The following PDPR variants were observed in gnomAD, a reference collection of about 807,000 sequenced individuals.
PDPR encodes pyruvate dehydrogenase phosphatase regulatory subunit, also known as pyruvate dehydrogenase phosphatase regulatory subunit, mitochondrial.
PDPR carries 50 observed loss-of-function variants against 102.2 expected under a neutral mutation model. That is an observed-to-expected ratio of 0.49 (90% confidence interval 0.39 to 0.62). The LOEUF (loss-of-function observed/expected upper bound fraction) is 0.62, where lower values mean the gene tolerates loss of function less well. Ranked by LOEUF, PDPR falls within the 20% of genes least tolerant of loss-of-function variation. The pLI is 0.00. For synonymous variants in PDPR, 259 were observed against 406.0 expected, an observed-to-expected ratio of 0.64 and a Z score of 4.35; for missense variants, 625 against 1,098.2, an observed-to-expected ratio of 0.57 and a Z score of 6.09.
chr16:70,123,745 A>C (rs1352541738), intron 3 of PDPR, among the ~76,000 whole-genome samples: 1 of 151,990 alleles, frequency 6.6e-6, no homozygotes, highest in Non-Finnish European at 1.5e-5. Flanking sequence ...GACTATTTAA[A>C]CCTCACACTT....
chr16:70,118,816 A>G (rs1391929741), intron 2 of PDPR, among the ~76,000 whole-genome samples: 5 of 152,180 alleles, frequency 3.3e-5, no homozygotes, highest in Admixed American at 3.3e-4. Flanking sequence ...TGGCAACCAC[A>G]AGGTGGCCAA....
Position 70,136,329 on chromosome 16 carries a change from A to T in PDPR, c.1133A>T (p.Tyr378Phe). ...IMGESPAVQG[Y>F]FVLAGMNSAG... ...GGCGAGTCTCCTGCAGTGCAGGGCT[A>T]CTTTGTCCTGGCAGGAATGAACTCT... The change falls in exon 10 of 19, where the codon TAC (tyrosine) becomes TTC (phenylalanine). Residue 378 changes from tyrosine to phenylalanine, a missense_variant. By Grantham distance (22) the Tyr-to-Phe change is conservative. Around this residue, in one of 11 missense-constraint regions of PDPR, gnomAD observed 50 missense variants for 79.9 expected, o/e 0.63. Coordinates refer to ENST00000288050, the MANE Select transcript of PDPR (RefSeq NM_017990.5). The T allele has an allele frequency of 6.2e-7, 1 of 1,613,504 alleles. No homozygotes were observed.
chr16:70,144,640 T>C, intron 15 of PDPR, 107 bp downstream of exon 15: 1 of 553,782 alleles, frequency 1.8e-6, no homozygotes, highest in Non-Finnish European at 3.3e-6. Context: ...AGAGTTAGCA[T>C]AAAAGAGGCT....
At chr16:70,150,144 C>T (rs1287713781) in intron 17 of PDPR, among the ~76,000 whole-genome samples, 3 of 148,456 alleles carry the variant, frequency 2.0e-5, no homozygotes, top group Non-Finnish European at 3.0e-5. Flanking sequence ...ACACTTGTCC[C>T]CCAGGCTGGA....
intron 3 of PDPR, among the ~76,000 whole-genome samples, chr16:70,122,914 T>G (rs1406648568): frequency 6.6e-6 from 1 of 152,162 alleles, no homozygotes; most frequent in Non-Finnish European, 1.5e-5. Context: ...GATAGTTTTT[T>G]TTTTGAGACA....
chr16:70,120,931 CTTTTT>C (rs71385643), intron 3 of PDPR, among the ~76,000 whole-genome samples: 2,066 of 103,056 alleles, frequency 0.02, 10 homozygotes, highest in African/African-American at 0.067. Context: ...TTTCGTTTTC[CTTTTT>C]TTTTTTTTTT....
chr16:70,115,413 C>A (rs938168200), intron 2 of PDPR, among the ~76,000 whole-genome samples: 1 of 152,208 alleles, frequency 6.6e-6, no homozygotes, highest in Non-Finnish European at 1.5e-5. Context: ...TGAGCCACTG[C>A]GCTCGGCCAA....
At chr16:70,128,081 G>A (rs1964155929) in intron 4 of PDPR, among the ~76,000 whole-genome samples, 1 of 152,254 alleles carries the variant, frequency 6.6e-6, no homozygotes, top group Non-Finnish European at 1.5e-5. Context: ...GAAGAAGAAG[G>A]GAGAATCCGA....
At chr16:70,150,006 G>T (rs1311662547) in intron 17 of PDPR, among the ~76,000 whole-genome samples, 1 of 152,046 alleles carries the variant, frequency 6.6e-6, no homozygotes, top group Non-Finnish European at 1.5e-5. Flanking sequence ...TAACCAGAAT[G>T]GTCTCGATCT....
chr16:70,148,105 C>T (rs1328601196), intron 16 of PDPR, among the ~76,000 whole-genome samples: 1 of 152,242 alleles, frequency 6.6e-6, no homozygotes, highest in Non-Finnish European at 1.5e-5. Context: ...TCTGCTGATT[C>T]CCCCAGAGAA....
chr16:70,134,283 T>G (rs1319250370), intron 9 of PDPR, among the ~76,000 whole-genome samples: 3 of 152,090 alleles, frequency 2.0e-5, no homozygotes, highest in African/African-American at 2.4e-5. Context: ...TGGAGTGCAG[T>G]GGTGCGATCT....
At chr16:70,123,665 T>A (rs4247106) in intron 3 of PDPR, among the ~76,000 whole-genome samples, 4 of 151,914 alleles carry the variant, frequency 2.6e-5, no homozygotes, top group Non-Finnish European at 4.4e-5. Context: ...TGGGAGACCC[T>A]AGGGAGGTTC....
intron 2 of PDPR, among the ~76,000 whole-genome samples, chr16:70,119,535 C>T (rs1168366491): frequency 1.3e-5 from 2 of 149,104 alleles, no homozygotes; most frequent in African/African-American, 2.5e-5. Context: ...CCACACTCCC[C>T]GTGTCGTGTA....
At chr16:70,150,036 G>T (rs1488969234) in intron 17 of PDPR, among the ~76,000 whole-genome samples, 1 of 151,586 alleles carries the variant, frequency 6.6e-6, no homozygotes, top group Non-Finnish European at 1.5e-5. Flanking sequence ...TGATCTGCCA[G>T]CCTTGGCCTC....
chr16:70,121,821 G>A (rs1270834139), intron 3 of PDPR, among the ~76,000 whole-genome samples: 1 of 150,676 alleles, frequency 6.6e-6, no homozygotes, highest in Admixed American at 6.6e-5. Context: ...CTGGAGTGCA[G>A]TCACACTATC....
intron 17 of PDPR, among the ~76,000 whole-genome samples, chr16:70,150,012 G>T (rs1361304069): frequency 6.6e-6 from 1 of 151,846 alleles, no homozygotes; most frequent in African/African-American, 2.4e-5. Flanking sequence ...GAATGGTCTC[G>T]ATCTCCTACC....
chr16:70,152,703 G>C (rs1182199383), intron 17 of PDPR, among the ~76,000 whole-genome samples: 3 of 152,402 alleles, frequency 2.0e-5, no homozygotes, highest in African/African-American at 7.2e-5. Context: ...AGCAAACAGT[G>C]TAGTCTCATT....
rs1162102895 is a variant in PDPR, at chr16:70,162,533, T to C, written c.*5654T>C. 1 of 152,482 alleles carries C rather than the reference T, an allele frequency of 6.6e-6. No individual in the cohort carries two copies. Among genetic ancestry groups the C allele is most frequent in the African/African-American group, 2.4e-5 (1 of 41,472 alleles). 9.4% of individuals were successfully genotyped at this position (152,482 alleles called of 1,614,324 possible). On this transcript the variant is annotated 3_prime_UTR_variant, in exon 19 of 19. Transcript: ENST00000288050. ...ATGAATAAACACATTTTAACTACTC[T>C]TGCACGGCTGCTTGTGAAATGTTCT... is the stretch of plus-strand genomic sequence containing the variant.
At chr16:70,116,888 T>A (rs1962702270) in intron 2 of PDPR, among the ~76,000 whole-genome samples, 1 of 152,048 alleles carries the variant, frequency 6.6e-6, no homozygotes, top group Non-Finnish European at 1.5e-5. Context: ...TGTTACTGTG[T>A]TTGTTCTGCC....
Sources: gnomAD v4.1 joint callset for allele counts (sites outside exome capture counted in the v4.1 genomes callset) on GRCh38, gnomAD v4.1.1 for gene constraint, gnomAD v4.1.1 regional missense constraint, MANE v1.5 for transcripts, NCBI Gene and HGNC (gene_info 2026-07-23, HGNC 2026-07-21) for gene names.